Variants in GATA4 observed in about 807,000 individuals in gnomAD.
GATA4 encodes GATA binding protein 4.
GATA4 carries 7 observed loss-of-function variants against 37.9 expected under a neutral mutation model. The observed-to-expected ratio is 0.18, with a 90% CI of 0.11 to 0.35. The LOEUF is 0.35. Ranked by LOEUF, GATA4 falls within the 10% of genes least tolerant of loss-of-function variation. The probability of loss-of-function intolerance (pLI) is 1.00; values close to 1 mark genes in which losing one functional copy is unlikely to be tolerated. For synonymous variants in GATA4, 372 were observed against 292.6 expected (o/e 1.27, Z -2.77); for missense variants, 647 against 653.0 (o/e 0.99, Z 0.10).
intron 2 of GATA4, among the ~76,000 whole-genome samples, chr8:11,718,009 A>C (rs6601604): frequency 6.6e-6 from 1 of 152,068 alleles, no homozygotes; most frequent in African/African-American, 2.4e-5. Context: ...TCCCTTTCCT[A>C]AGAGAAATCT....
In GATA4 at chr8:11,708,734, C is replaced by A. The variant is rs1364199604; in HGVS notation, c.422C>A (p.Ala141Glu). The change falls in exon 2 of 7, where the codon GCG (alanine) becomes GAG (glutamate). Residue 141 changes from alanine to glutamate, a missense_variant. By Grantham distance (107) the Ala-to-Glu change is moderately radical. Coordinates refer to ENST00000532059, the MANE Select transcript of GATA4 (RefSeq NM_001308093.3). The surrounding 1 kb of genome is among the most constrained non-coding windows in gnomAD (Gnocchi z 6.7). ...AYSSGGGAAG[A>E]GLAGREQYGR... is the part of the protein sequence containing the mutation. ...AGCAGTGGCGGCGGAGCGGCGGGTGCGGGCCTGGCGGGCCGCGAGCAGTAC... is the reference window on the plus strand; with the variant it reads ...AGCAGTGGCGGCGGAGCGGCGGGTGAGGGCCTGGCGGGCCGCGAGCAGTAC... The A allele has an allele frequency of 2.3e-6, 3 of 1,291,996 alleles. No individual in the cohort carries two copies. Among genetic ancestry groups the A allele is most frequent in the South Asian group, 2.5e-5 (1 of 40,044 alleles). 80.0% of individuals were successfully genotyped at this position (1,291,996 alleles called of 1,614,324 possible).
intron 2 of GATA4, among the ~76,000 whole-genome samples, chr8:11,743,335 T>C (rs1336149127): frequency 6.6e-6 from 1 of 152,238 alleles, no homozygotes; most frequent in Admixed American, 6.5e-5. Context: ...ATATTTGAGT[T>C]TCAGGCATTG....
intron 2 of GATA4, among the ~76,000 whole-genome samples, chr8:11,717,115 C>A (rs1184527793): frequency 6.6e-6 from 1 of 152,178 alleles, no homozygotes; most frequent in East Asian, 1.9e-4. Flanking sequence ...CATGACATGG[C>A]CCCATATGCC....
intron 1 of GATA4, among the ~76,000 whole-genome samples, chr8:11,696,862 C>T (rs1329729083): frequency 6.6e-6 from 1 of 152,232 alleles, no homozygotes; most frequent in Non-Finnish European, 1.5e-5. Context: ...ATTTACTCTA[C>T]CTGTTCTGAG....
intron 2 of GATA4, among the ~76,000 whole-genome samples, chr8:11,715,339 A>T (rs1350345227): frequency 6.6e-6 from 1 of 152,204 alleles, no homozygotes; most frequent in Non-Finnish European, 1.5e-5. Context: ...GAACTTTTTG[A>T]ATTTTTTAAC....
chr8:11,723,594 A>G (rs530266229), intron 2 of GATA4, among the ~76,000 whole-genome samples: 2 of 152,306 alleles, frequency 1.3e-5, no homozygotes. Flanking sequence ...CCTGTTAGTG[A>G]GGAATGGCGT....
At chr8:11,701,801 G>A (rs545789709), upstream of GATA4, among the ~76,000 whole-genome samples, 1 of 143,526 alleles carries the variant, frequency 7.0e-6, no homozygotes, top group African/African-American at 2.5e-5. Context: ...GGGATCCCAG[G>A]TTTCAGTCCA....
upstream of GATA4, among the ~76,000 whole-genome samples, chr8:11,702,488 T>C (rs1799711799): frequency 6.6e-6 from 1 of 151,394 alleles, no homozygotes; most frequent in Admixed American, 6.6e-5. The surrounding 1 kb of genome is among the most constrained non-coding windows in gnomAD (Gnocchi z 4.4). Context: ...CGAAGATGAT[T>C]GCCGGTTTCA....
intron 2 of GATA4, among the ~76,000 whole-genome samples, chr8:11,747,839 G>A (rs1425322642): frequency 6.6e-6 from 1 of 152,204 alleles, no homozygotes; most frequent in Non-Finnish European, 1.5e-5. Flanking sequence ...TTTATAAAAT[G>A]AGTTTATAAA....
Position 11,693,522 on chromosome 8 carries a change from A to AAC in GATA4, c.-729+902_-729+903dup, listed in dbSNP as rs140439542. 7.9e-3 allele frequency among the ~76,000 whole-genome samples: 870 copies of AAC among 109,994 alleles called. 10 individuals are homozygous for AAC. Among genetic ancestry groups the AAC allele is most frequent in the African/African-American group, 0.028 (722 of 25,568 alleles). 72.2% of individuals were successfully genotyped at this position (109,994 alleles called of 152,430 possible). ...AAAAAAAGAGGATTGATTCAGCACA[A>AAC]ACACACACACACACACACACACACA... On this transcript the variant is annotated intron_variant, in intron 1 of 2. Transcript: ENST00000526974.
At chr8:11,748,575 G>T (rs937535538) in intron 2 of GATA4, among the ~76,000 whole-genome samples, 5 of 152,194 alleles carry the variant, frequency 3.3e-5, no homozygotes, top group Non-Finnish European at 7.3e-5. Flanking sequence ...AAAAGAGAGA[G>T]CAAGGTTTGC....
intron 2 of GATA4, among the ~76,000 whole-genome samples, chr8:11,746,529 C>T (rs536817293): frequency 3.3e-5 from 5 of 152,224 alleles, no homozygotes; most frequent in Non-Finnish European, 7.4e-5. Context: ...GTGTTTATTG[C>T]GAACACCCAA....
intron 2 of GATA4, among the ~76,000 whole-genome samples, chr8:11,720,411 C>G (rs1224656397): frequency 1.3e-5 from 2 of 152,056 alleles, no homozygotes; most frequent in East Asian, 3.9e-4. Context: ...TTTTAAGCAA[C>G]TCTGTGAAAT....
chr8:11,736,133 ACTCCTGAG>A (rs1020782653), intron 2 of GATA4, among the ~76,000 whole-genome samples: 7 of 150,004 alleles, frequency 4.7e-5, no homozygotes, highest in African/African-American at 1.7e-4. Context: ...CTGGTATTGA[ACTCCTGAG>A]CTCAAGCCAT....
upstream of GATA4, among the ~76,000 whole-genome samples, chr8:11,701,608 G>A (rs1799679884): frequency 6.6e-6 from 1 of 152,328 alleles, no homozygotes; most frequent in African/African-American, 2.4e-5. Context: ...GAGCGAAGGA[G>A]GAAAGGAGGG....
chr8:11,712,409 A>G (rs1287539319), intron 2 of GATA4, among the ~76,000 whole-genome samples: 1 of 152,238 alleles, frequency 6.6e-6, no homozygotes, highest in Non-Finnish European at 1.5e-5. Context: ...GAGAAGCAGC[A>G]TCATTCTTCC....
intron 2 of GATA4, among the ~76,000 whole-genome samples, chr8:11,737,131 TTAAG>T (rs1043335789): frequency 1.3e-5 from 2 of 151,034 alleles, no homozygotes; most frequent in African/African-American, 4.9e-5. Flanking sequence ...CTCGGTTTGA[TTAAG>T]TAATCCCCCA....
rs939487134 is a variant in GATA4 at position 11,681,501 on chromosome 8, G to A, written c.-274+4438G>A. 36 of 965,150 alleles carry A rather than the reference G, an allele frequency of 3.7e-5. 1 individual carries two copies. The highest frequency in any genetic ancestry group is 1.1e-4 in the African/African-American group (6 of 55,826). The allele number at this position is 965,150 out of a possible 1,614,324, so 59.8% of individuals were successfully genotyped here. A position where few individuals can be genotyped will look rare whatever the true frequency, so the allele number is the denominator to read the frequency against. On this transcript the variant is annotated intron_variant, in intron 1 of 6. Coordinates refer to the GATA4 transcript ENST00000528712. ...CGGGGTGCGGCGCTCGCGGGGGGGG[G>A]GGGGGGGATGGGGTCGGTCCCTCTC...
At position 11,758,909 on chromosome 8, in the gene GATA4, C is replaced by A; in HGVS notation, c.*434C>A. On this transcript the variant is annotated 3_prime_UTR_variant, in exon 7 of 7. Coordinates refer to ENST00000532059, the MANE Select transcript of GATA4 (RefSeq NM_001308093.3). ...TGCCATGTACCTGGATGCGACGGGC[C>A]CCTGGGGACAGGCCCTTGCCCCATC... 1 of 303,980 alleles carries A rather than the reference C, an allele frequency of 3.3e-6. No homozygotes were observed. Among genetic ancestry groups the A allele is most frequent in the Non-Finnish European group, 6.4e-6 (1 of 155,166 alleles). 18.8% of individuals were successfully genotyped at this position (303,980 alleles called of 1,614,324 possible).
Sources: allele counts gnomAD v4.1 joint callset (sites outside exome capture counted in the v4.1 genomes callset), GRCh38; gene constraint gnomAD v4.1.1; non-coding constraint Gnocchi (gnomAD v3.1); transcripts MANE v1.5; gene names NCBI Gene and HGNC (gene_info 2026-07-23, HGNC 2026-07-21).